The following SLC15A2 variants were observed in gnomAD, a reference collection of about 807,000 sequenced individuals.
SLC15A2 encodes solute carrier family 15 member 2, also known as kidney H(+)/peptide cotransporter.
In SLC15A2, 77 loss-of-function variants were observed where a neutral mutation model predicts 95.5. The ratio of observed to expected loss-of-function variants is 0.81; its 90% CI spans 0.67 to 0.97. The LOEUF is 0.97. Ranked by LOEUF, SLC15A2 falls within the 50% of genes least tolerant of loss-of-function variation. SLC15A2 has a pLI of 0.00. For synonymous variants in SLC15A2, 306 were observed against 306.9 expected, an observed-to-expected ratio of 1.00 and a Z score of 0.03; for missense variants, 893 against 874.4, an observed-to-expected ratio of 1.02 and a Z score of -0.27.
intron 7 of SLC15A2, among the ~76,000 whole-genome samples, chr3:121,919,880 AAC>A (rs1196516989): frequency 6.6e-6 from 1 of 152,240 alleles, no homozygotes; most frequent in African/African-American, 2.4e-5. Context: ...TCAGTATGAA[AAC>A]ACATATGAGC....
chr3:121,925,065 C>T, intron 13 of SLC15A2, 32 bp downstream of exon 13: 1 of 1,393,966 alleles, frequency 7.2e-7, no homozygotes, highest in Non-Finnish European at 1.0e-6. Flanking sequence ...ATGGATTACT[C>T]TAAATTGACT....
chr3:121,897,363 C>T (rs775193620), intron 2 of SLC15A2, 25 bp from the exon 3 acceptor site: 41 of 1,611,320 alleles, frequency 2.5e-5, no homozygotes, highest in Middle Eastern at 1.6e-4. Flanking sequence ...TGTCTCCCCA[C>T]GCCTCCTTTT....
At position 121,939,371 on chromosome 3, in the gene SLC15A2, C is replaced by T. The variant is rs1237610707; in HGVS notation, c.1784C>T (p.Ala595Val). 6.4e-6 allele frequency: 10 copies of T among 1,562,330 alleles called. No homozygotes were observed. Among genetic ancestry groups the T allele is most frequent in the Middle Eastern group, 1.7e-4 (1 of 5,924 alleles). Reference protein sequence around the residue: ...ITNNTNQGLQAWKIEDIPANK... With the variant: ...ITNNTNQGLQVWKIEDIPANK... ...AAGAACACCAATCAGGGTCTTCAGG[C>T]CTGGAAGATTGAAGACATTCCAGCC... Residue 595 changes from alanine to valine, a missense_variant, in exon 20 of 22, where the codon GCC (alanine) becomes GTC (valine). Transcript: ENST00000489711.
rs987564008 is a variant in SLC15A2, at chr3:121,943,939, C to A, written c.*2932C>A. On this transcript the variant is annotated 3_prime_UTR_variant, in exon 22 of 22. Coordinates refer to ENST00000489711, the MANE Select transcript of SLC15A2 (RefSeq NM_021082.4). ...TAGAAACGGTACAAAAAACTTTACA[C>A]ATTATATAGATGTATCAAATTATTC... The A allele has an allele frequency of 6.6e-6, 1 of 152,160 alleles. No individual in the cohort carries two copies. Among genetic ancestry groups the A allele is most frequent in the African/African-American group, 2.4e-5 (1 of 41,436 alleles). 9.4% of individuals were successfully genotyped at this position (152,160 alleles called of 1,614,324 possible).
chr3:121,934,244 G>A (rs1263983520), intron 19 of SLC15A2, among the ~76,000 whole-genome samples: 17 of 152,082 alleles, frequency 1.1e-4, no homozygotes, highest in African/African-American at 3.4e-4. Flanking sequence ...TTGGCAATGC[G>A]GGCTCTTTTT....
In SLC15A2 at chr3:121,925,025, T is replaced by A; in HGVS notation, c.1116T>A (p.Ile372=). Residue 372 remains isoleucine (I), a synonymous_variant, in exon 13 of 22, where the codon ATT becomes ATA. Transcript: ENST00000489711. ...VIYRLVSKCG[I]NFSSLRKMAV... The stretch of plus-strand genomic sequence containing the variant: ...ATCGTCTGGTCTCCAAGTGTGGAAT[T>A]AACTTCTCGTAAGTGTTCACTATGT... 1 of 1,606,742 alleles carries A rather than the reference T, an allele frequency of 6.2e-7. No individual in the cohort carries two copies. Among genetic ancestry groups the A allele is most frequent in the Non-Finnish European group, 8.5e-7 (1 of 1,173,336 alleles).
chr3:121,896,814 A>G (rs1450168926), intron 2 of SLC15A2, among the ~76,000 whole-genome samples: 1 of 148,228 alleles, frequency 6.7e-6, no homozygotes, highest in East Asian at 2.1e-4. Context: ...GCTTGGGCCC[A>G]GGAGTTCAAG....
chr3:121,934,231 G>A (rs1180761573), intron 19 of SLC15A2, among the ~76,000 whole-genome samples: 1 of 152,208 alleles, frequency 6.6e-6, no homozygotes, highest in Non-Finnish European at 1.5e-5. Context: ...GCTTAGGATT[G>A]ACTTGGCAAT....
rs561062864 is a variant in SLC15A2, at chr3:121,927,686, A to T, written c.1125-72A>T. 1.7e-5 allele frequency: 19 copies of T among 1,095,730 alleles called. No homozygotes were observed. In the African/African-American group the frequency reaches 2.3e-4, roughly 13 times the overall value. The allele number at this position is 1,095,730 out of a possible 1,614,324, so 67.9% of individuals were successfully genotyped here. On this transcript the variant is annotated intron_variant, in intron 13 of 21. Coordinates refer to ENST00000489711, the MANE Select transcript of SLC15A2 (RefSeq NM_021082.4). Reference sequence around the variant, plus strand: ...ACAGTCTAATGCAGTCTTTAATAATAGGCTACAGAGTTTGGATTTCATCCT... The same window carrying T: ...ACAGTCTAATGCAGTCTTTAATAATTGGCTACAGAGTTTGGATTTCATCCT...
At chr3:121,897,137 TA>T (rs1709433682) in intron 2 of SLC15A2, among the ~76,000 whole-genome samples, 6 of 151,552 alleles carry the variant, frequency 4.0e-5, no homozygotes, top group Admixed American at 3.9e-4. Context: ...TAAATGATGC[TA>T]GGGGTGCACA....
rs550788814 is a variant in SLC15A2, at chr3:121,914,053, G to A, written c.528+933G>A. Among the ~76,000 whole-genome samples, 6 of 151,380 alleles carry A rather than the reference G, an allele frequency of 4.0e-5. No individual in the cohort carries two copies. In the East Asian group the frequency reaches 1.2e-3, roughly 29 times the overall value. On this transcript the variant is annotated intron_variant, in intron 5 of 21. Coordinates refer to ENST00000489711, the MANE Select transcript of SLC15A2 (RefSeq NM_021082.4). ...CTGCTATCCTGTCCTGTCTTCCAGT[G>A]TTTTTCTTACCTTTCAGACCATTTG...
intron 19 of SLC15A2, among the ~76,000 whole-genome samples, chr3:121,933,074 C>T (rs1286066099): frequency 2.0e-5 from 3 of 148,868 alleles, no homozygotes; most frequent in Non-Finnish European, 4.5e-5. Flanking sequence ...ATCCATGTCC[C>T]TACAAAGGAC....
chr3:121,941,184 A>G lies in SLC15A2; in HGVS notation c.*177A>G, dbSNP rs1710458689. ...AGTACATCTTTAAACAAGGCCCCAG[A>G]GACTCTATGTCTGCCCGTCCATCAG... is the stretch of plus-strand genomic sequence containing the variant. On this transcript the variant is annotated 3_prime_UTR_variant, in exon 22 of 22. Coordinates refer to ENST00000489711, the MANE Select transcript of SLC15A2 (RefSeq NM_021082.4). 1.7e-6 allele frequency: 1 copy of G among 571,532 alleles called. No individual in the cohort carries two copies. Among genetic ancestry groups the G allele is most frequent in the Non-Finnish European group, 3.1e-6 (1 of 325,788 alleles). The allele number at this position is 571,532 out of a possible 1,614,324, so 35.4% of individuals were successfully genotyped here. A position where few individuals can be genotyped will look rare whatever the true frequency, so the allele number is the denominator to read the frequency against.
Position 121,940,453 on chromosome 3 carries a change from G to A in SLC15A2, c.1978G>A (p.Val660Met), listed in dbSNP as rs745365197. 2.7e-5 allele frequency: 44 copies of A among 1,613,942 alleles called. No individual in the cohort carries two copies. In the Middle Eastern group the frequency reaches 8.2e-4, roughly 30 times the overall value. The change falls in exon 21 of 22, where the codon GTG becomes ATG. Residue 660 changes from valine (V) to methionine (M), a missense_variant. Transcript: ENST00000489711. Reference sequence around the variant, plus strand: ...GACAATTGCAGTTGGGAATATCATCGTGCTTGTTGTGGCACAGTTCAGTGG... The same window carrying A: ...GACAATTGCAGTTGGGAATATCATCATGCTTGTTGTGGCACAGTTCAGTGG... ...LLTIAVGNII[V>M]LVVAQFSGLV...
rs1282383433 is a variant in SLC15A2, at chr3:121,915,253, A to T, written c.555A>T (p.Ser185=). ...KHAEERTRYF[S]VFYLSINAGS... ...CAGAGGAACGGACTAGATACTTCTCAGTCTTCTACCTGTCCATCAATGCAG... is the reference window on the plus strand; with the variant it reads ...CAGAGGAACGGACTAGATACTTCTCTGTCTTCTACCTGTCCATCAATGCAG... The change falls in exon 6 of 22, where the codon TCA becomes TCT. Residue 185 remains serine (S), a synonymous_variant. Transcript: ENST00000489711. 6.2e-7 allele frequency: 1 copy of T among 1,613,528 alleles called. No homozygotes were observed. Among genetic ancestry groups the T allele is most frequent in the Non-Finnish European group, 8.5e-7 (1 of 1,179,598 alleles).
intron 2 of SLC15A2, 85 bp from the exon 3 acceptor site, chr3:121,897,303 G>T: frequency 6.6e-7 from 1 of 1,516,214 alleles, no homozygotes; most frequent in East Asian, 2.3e-5. Context: ...ATAAAGACCA[G>T]AGATTAAATA....
chr3:121,914,761 G>T (rs1290130225), intron 5 of SLC15A2, among the ~76,000 whole-genome samples: 1 of 151,118 alleles, frequency 6.6e-6, no homozygotes, highest in Non-Finnish European at 1.5e-5. Context: ...GGGAGGCAGA[G>T]GCAGGAGAAT....
Position 121,933,328 on chromosome 3 carries a change from A to C in SLC15A2, c.1761+1593A>C, listed in dbSNP as rs1485912732. 7.9e-5 allele frequency among the ~76,000 whole-genome samples: 12 copies of C among 151,332 alleles called. No individual in the cohort carries two copies. The South Asian group carries it at 1.7e-3, about 21-fold the overall frequency. Reference sequence around the variant, plus strand: ...TATTTCTAGTTCTAGATCCCTGAGGAATCGCCACACTGACTTCCACAATGG... The same window carrying C: ...TATTTCTAGTTCTAGATCCCTGAGGCATCGCCACACTGACTTCCACAATGG... On this transcript the variant is annotated intron_variant, in intron 19 of 21. Coordinates refer to ENST00000489711, the MANE Select transcript of SLC15A2 (RefSeq NM_021082.4).
rs1359598522 is a variant in SLC15A2, at chr3:121,923,086, T to C, written c.914T>C (p.Leu305Pro). ...AAGGCACTGACCAGGGTACTATTCC[T>C]TTATATCCCATTGCCCATGTTCTGG... ...DVKALTRVLF[L>P]YIPLPMFWAL... Residue 305 changes from leucine to proline, a missense_variant, in exon 10 of 22, where the codon CTT (leucine) becomes CCT (proline). Transcript: ENST00000489711. 1 of 1,613,974 alleles carries C rather than the reference T, an allele frequency of 6.2e-7. No homozygotes were observed. The highest frequency in any genetic ancestry group is 8.5e-7 in the Non-Finnish European group (1 of 1,179,936).
Sources: allele counts gnomAD v4.1 joint callset (sites outside exome capture counted in the v4.1 genomes callset), GRCh38; gene constraint gnomAD v4.1.1; transcripts MANE v1.5; gene names NCBI Gene and HGNC (gene_info 2026-07-23, HGNC 2026-07-21).